The following CDH13 variants were observed in gnomAD, a reference collection of about 807,000 sequenced individuals.
CDH13 encodes cadherin-13.
A neutral mutation model predicts 63.8 loss-of-function variants in CDH13; 24 were observed. The observed-to-expected ratio is 0.38, with a 90% CI of 0.27 to 0.53. CDH13 has a LOEUF of 0.53. Ranked by LOEUF, CDH13 falls within the 20% of genes least tolerant of loss-of-function variation. The pLI, the probability that CDH13 is intolerant of heterozygous loss-of-function variation, is 0.85. For missense variants in CDH13, 1,049 were observed against 903.1 expected (o/e 1.16, Z -2.07); for synonymous variants, 503 against 355.3 (o/e 1.42, Z -4.67).
chr16:83,270,512 A>T (rs529244139), intron 5 of CDH13, among the ~76,000 whole-genome samples: 8 of 152,218 alleles, frequency 5.3e-5, no homozygotes, highest in African/African-American at 1.9e-4. Flanking sequence ...GAGAGCATCA[A>T]TTATCAATGT....
intron 8 of CDH13, among the ~76,000 whole-genome samples, chr16:83,606,447 G>C (rs1908338620): frequency 6.6e-6 from 1 of 152,096 alleles, no homozygotes; most frequent in African/African-American, 2.4e-5. Context: ...TTAAAAGTTT[G>C]GAAGTGAAGG....
At chr16:83,382,048 C>A (rs2091577595) in intron 6 of CDH13, among the ~76,000 whole-genome samples, 1 of 152,142 alleles carries the variant, frequency 6.6e-6, no homozygotes, top group Non-Finnish European at 1.5e-5. Context: ...TCCCATAATC[C>A]AATGTGAATG....
chr16:82,995,511 G>A (rs1460414129), intron 2 of CDH13, among the ~76,000 whole-genome samples: 1 of 152,168 alleles, frequency 6.6e-6, no homozygotes, highest in Admixed American at 6.6e-5. Flanking sequence ...GGAAGAGATG[G>A]CATGGCAACA....
chr16:82,920,964 A>AT (rs34287424), intron 2 of CDH13, among the ~76,000 whole-genome samples: 1 of 152,000 alleles, frequency 6.6e-6, no homozygotes, highest in Non-Finnish European at 1.5e-5. Flanking sequence ...ATTTTATCAA[A>AT]TTTTTTTTCT....
intron 3 of CDH13, among the ~76,000 whole-genome samples, chr16:83,068,772 C>G (rs66507908): frequency 0.043 from 6,548 of 152,282 alleles, 200 homozygotes; most frequent in Middle Eastern, 0.078. Flanking sequence ...TTTAAGTCTG[C>G]AAGTTCATGG....
chr16:83,614,207 T>C (rs764007545), intron 8 of CDH13, among the ~76,000 whole-genome samples: 5 of 152,044 alleles, frequency 3.3e-5, no homozygotes, highest in African/African-American at 7.2e-5. Flanking sequence ...CAGATAAGAG[T>C]AGGACAGGAT....
intron 8 of CDH13, among the ~76,000 whole-genome samples, chr16:83,666,616 C>A (rs1426353046): frequency 6.6e-6 from 1 of 152,188 alleles, no homozygotes; most frequent in African/African-American, 2.4e-5. Flanking sequence ...CTGGCTCTCC[C>A]CTTCATTCCA....
chr16:83,164,048 A>G (rs1233119088), intron 4 of CDH13, among the ~76,000 whole-genome samples: 1 of 152,108 alleles, frequency 6.6e-6, no homozygotes, highest in Non-Finnish European at 1.5e-5. Flanking sequence ...CATAGTTGTT[A>G]TCTGTGTCTT....
At chr16:83,116,745 C>T (rs2035318510) in intron 3 of CDH13, among the ~76,000 whole-genome samples, 1 of 152,210 alleles carries the variant, frequency 6.6e-6, no homozygotes, top group Admixed American at 6.5e-5. Flanking sequence ...GTGTTACACA[C>T]TTAAAACGGG....
intron 5 of CDH13, among the ~76,000 whole-genome samples, chr16:83,261,524 A>G (rs978769385): frequency 1.3e-5 from 2 of 151,970 alleles, no homozygotes; most frequent in African/African-American, 4.8e-5. Flanking sequence ...TCTGGAAAGT[A>G]TCTATTAGTA....
chr16:82,933,307 A>G (rs1032694508), intron 2 of CDH13, among the ~76,000 whole-genome samples: 2 of 152,172 alleles, frequency 1.3e-5, no homozygotes, highest in Non-Finnish European at 1.5e-5. Flanking sequence ...AGTGCAGAGC[A>G]AAGGGGAGAA....
chr16:83,359,030 C>T (rs2151383358), intron 6 of CDH13, among the ~76,000 whole-genome samples: 1 of 152,110 alleles, frequency 6.6e-6, no homozygotes, highest in African/African-American at 2.4e-5. Context: ...ATTCCAGGGG[C>T]CAGAGAGGAA....
chr16:83,752,678 T>G (rs1913183733), intron 11 of CDH13, among the ~76,000 whole-genome samples: 1 of 152,252 alleles, frequency 6.6e-6, no homozygotes, highest in African/African-American at 2.4e-5. Context: ...TACACCTGTA[T>G]GAACTGTCTG....
At chr16:82,902,143 T>G (rs991559238) in intron 2 of CDH13, among the ~76,000 whole-genome samples, 10 of 152,112 alleles carry the variant, frequency 6.6e-5, no homozygotes, top group African/African-American at 2.4e-4. Context: ...AAGGCTTGCT[T>G]TGATGGATGT....
chr16:83,029,306 C>T (rs1445342641), intron 2 of CDH13, among the ~76,000 whole-genome samples: 2 of 152,046 alleles, frequency 1.3e-5, no homozygotes, highest in African/African-American at 4.8e-5. Context: ...ATTTATTTGG[C>T]TTTAACAGTG....
chr16:83,694,404 G>T (rs1309550273), intron 10 of CDH13, among the ~76,000 whole-genome samples: 2 of 152,182 alleles, frequency 1.3e-5, no homozygotes, highest in African/African-American at 4.8e-5. Context: ...CCAAAAGAGG[G>T]GTTGGGATGC....
At chr16:83,445,074 T>A (rs2072634398) in intron 6 of CDH13, among the ~76,000 whole-genome samples, 1 of 152,104 alleles carries the variant, frequency 6.6e-6, no homozygotes, top group Non-Finnish European at 1.5e-5. Flanking sequence ...ATTTATATTC[T>A]TAATTTTTGA....
chr16:83,660,101 T>A (rs57165134), intron 8 of CDH13, among the ~76,000 whole-genome samples: 1 of 152,046 alleles, frequency 6.6e-6, no homozygotes, highest in African/African-American at 2.4e-5. Context: ...CACAACCTTT[T>A]TGGCACCAGG....
At chr16:83,441,150 C>T (rs868198225) in intron 6 of CDH13, among the ~76,000 whole-genome samples, 1 of 152,126 alleles carries the variant, frequency 6.6e-6, no homozygotes. Flanking sequence ...ATGGCACAGC[C>T]AGGGTCAGTA....
Sources: allele counts gnomAD v4.1 joint callset (sites outside exome capture counted in the v4.1 genomes callset), GRCh38; gene constraint gnomAD v4.1.1; transcripts MANE v1.5; gene names NCBI Gene and HGNC (gene_info 2026-07-23, HGNC 2026-07-21).